The following CTSL variants were observed in gnomAD, a reference collection of about 807,000 sequenced individuals.
The protein encoded by CTSL is procathepsin L.
A neutral mutation model predicts 34.7 loss-of-function variants in CTSL; 23 were observed. The observed-to-expected ratio is 0.66, with a 90% CI of 0.48 to 0.94. CTSL has a LOEUF of 0.94. Ranked by LOEUF, CTSL falls within the 40% of genes least tolerant of loss-of-function variation. The pLI is 0.00. For missense variants in CTSL, 361 were observed against 406.3 expected (o/e 0.89, Z 0.96); for synonymous variants, 129 against 136.7 (o/e 0.94, Z 0.39).
intron 2 of CTSL, 136 bp from the exon 3 acceptor site, chr9:87,727,891 G>A (rs1826088567): frequency 2.8e-6 from 4 of 1,429,082 alleles, no homozygotes; most frequent in Non-Finnish European, 3.9e-6. Flanking sequence ...TCTCAGTTTG[G>A]AGAACAGCAT....
Position 87,727,663 on chromosome 9 carries a change from A to T in CTSL, c.60A>T (p.Thr20=). The T allele has an allele frequency of 6.2e-7, 1 of 1,614,050 alleles. No homozygotes were observed. The highest frequency in any genetic ancestry group is 8.5e-7 in the Non-Finnish European group (1 of 1,179,990). Residue 20 remains threonine, a synonymous_variant, in exon 2 of 8, where the codon ACA becomes ACT. Transcript: ENST00000343150. The stretch of plus-strand genomic sequence containing the variant: ...TGGGAATTGCCTCAGCTACTCTAAC[A>T]TTTGATCACAGTTTAGAGGCACAGT... The part of the protein sequence containing the change: ...FCLGIASATL[T]FDHSLEAQWT...
rs756645370 is a variant in CTSL, at chr9:87,727,880, G to C, written c.127-147G>C. ...CAATGTGGACATTCATCCTTGTTGTGTCTCAGTTTGGAGAACAGCATCCCC... is the reference window on the plus strand; with the variant it reads ...CAATGTGGACATTCATCCTTGTTGTCTCTCAGTTTGGAGAACAGCATCCCC... On this transcript the variant is annotated intron_variant, in intron 2 of 7. Coordinates refer to ENST00000343150, the MANE Select transcript of CTSL (RefSeq NM_001912.5). The C allele has an allele frequency of 4.6e-5, 64 of 1,405,236 alleles. No individual in the cohort carries two copies. In the Middle Eastern group the frequency reaches 5.4e-4, roughly 12 times the overall value. 87.0% of individuals were successfully genotyped at this position (1,405,236 alleles called of 1,614,324 possible). A position where few individuals can be genotyped will look rare whatever the true frequency, so the allele number is the denominator to read the frequency against.
intron 1 of CTSL, among the ~76,000 whole-genome samples, chr9:87,727,074 A>AAATAAATC (rs1826038041): frequency 6.6e-6 from 1 of 150,480 alleles, no homozygotes; most frequent in African/African-American, 2.4e-5. Context: ...ATAAATAAAT[A>AAATAAATC]AATAAATAGG....
In CTSL at chr9:87,728,466, T is replaced by C. The variant is rs560421548; in HGVS notation, c.396+70T>C. 1.5e-5 allele frequency: 23 copies of C among 1,580,522 alleles called. No homozygotes were observed. The African/African-American group carries it at 1.5e-4, about 10-fold the overall frequency. On this transcript the variant is annotated intron_variant, in intron 4 of 7. Coordinates refer to ENST00000343150, the MANE Select transcript of CTSL (RefSeq NM_001912.5). ...CAAGAAGTGATTGACATCTTTGTTT[T>C]GGTAGACTTTAAAGTGATGTACAGT...
Position 87,727,621 on chromosome 9 carries a change from C to G in CTSL, c.18C>G (p.Ile6Met), listed in dbSNP as rs746817139. The change falls in exon 2 of 8, where the codon ATC becomes ATG. Residue 6 changes from isoleucine (I) to methionine (M), a missense_variant. By Grantham distance (10) the Ile-to-Met change is conservative. Transcript: ENST00000343150. The part of the protein sequence containing the change: MNPTL[I>M]LAAFCLGIAS... The stretch of plus-strand genomic sequence containing the variant: ...TTTAAAACATGAATCCTACACTCAT[C>G]CTTGCTGCCTTTTGCCTGGGAATTG... 15 of 1,614,108 alleles carry G rather than the reference C, an allele frequency of 9.3e-6. No homozygotes were observed. The highest frequency in any genetic ancestry group is 1.3e-5 in the Non-Finnish European group (15 of 1,180,012).
At position 87,727,669 on chromosome 9, in the gene CTSL, TCA is replaced by T. The variant is rs1252904987; in HGVS notation, c.69_70del (p.His23GlnfsTer21). On this transcript the variant is annotated frameshift_variant, in exon 2 of 8. Transcript: ENST00000343150. LOFTEE classifies it high-confidence loss of function. ...TTGCCTCAGCTACTCTAACATTTGATCACAGTTTAGAGGCACAGTGGACCAAG... is the reference window on the plus strand; with the variant it reads ...TTGCCTCAGCTACTCTAACATTTGATCAGTTTAGAGGCACAGTGGACCAAG... ...GIASATLTFD[H>X]SLEAQWTKWK... 1 of 1,614,112 alleles carries T rather than the reference TCA, an allele frequency of 6.2e-7. No homozygotes were observed. Among genetic ancestry groups the T allele is most frequent in the East Asian group, 2.2e-5 (1 of 44,876 alleles).
rs546955996 is a variant in CTSL, at chr9:87,729,595, C to G, written c.644C>G (p.Pro215Arg). Residue 215 changes from proline (P) to arginine (R), a missense_variant, in exon 6 of 8, where the codon CCC (proline) becomes CGC (arginine). By Grantham distance (103) the Pro-to-Arg change is moderately radical. Coordinates refer to ENST00000343150, the MANE Select transcript of CTSL (RefSeq NM_001912.5). ...EATEESCKYN[P>R]KYSVANDTGF... ...AAGGAAGAATCCTGTAAGTACAATC[C>G]CAAGTATTCTGTTGCTAATGACACC... 2.6e-5 allele frequency: 42 copies of G among 1,613,814 alleles called. No homozygotes were observed. In the South Asian group the frequency reaches 4.5e-4, roughly 17 times the overall value.
rs753896863 is a variant in CTSL, at chr9:87,727,691, A to T, written c.88A>T (p.Thr30Ser). The change falls in exon 2 of 8, where the codon ACC becomes TCC. Residue 30 changes from threonine (T) to serine (S), a missense_variant. Transcript: ENST00000343150. ...TGATCACAGTTTAGAGGCACAGTGG[A>T]CCAAGTGGAAGGCGATGCACAACAG... The part of the protein sequence containing the change: ...TFDHSLEAQW[T>S]KWKAMHNRLY... The T allele has an allele frequency of 1.2e-6, 2 of 1,614,140 alleles. No homozygotes were observed. Among genetic ancestry groups the T allele is most frequent in the South Asian group, 2.2e-5 (2 of 91,086 alleles).
chr9:87,728,887 C>T (rs755062848), intron 5 of CTSL, 78 bp downstream of exon 5: 7 of 1,596,782 alleles, frequency 4.4e-6, no homozygotes, highest in Non-Finnish European at 6.0e-6. Context: ...ATACCTTTTT[C>T]GGAATTCATA....
Position 87,728,782 on chromosome 9 carries a change from T to C in CTSL, c.594T>C (p.Ser198=), listed in dbSNP as rs1244920777. 1 of 1,614,128 alleles carries C rather than the reference T, an allele frequency of 6.2e-7. No homozygotes were observed. Among genetic ancestry groups the C allele is most frequent in the African/African-American group, 1.3e-5 (1 of 74,942 alleles). Residue 198 remains serine, a synonymous_variant, in exon 5 of 8, where the codon TCT becomes TCC. Coordinates refer to ENST00000343150, the MANE Select transcript of CTSL (RefSeq NM_001912.5). Reference sequence around the variant, plus strand: ...TTCAGGATAATGGAGGCCTGGACTCTGAGGAATCCTATCCATATGAGGCAA... The same window carrying C: ...TTCAGGATAATGGAGGCCTGGACTCCGAGGAATCCTATCCATATGAGGCAA... The part of the protein sequence containing the change: ...QYVQDNGGLD[S]EESYPYEATE...
chr9:87,727,792 C>G, intron 2 of CTSL, 63 bp downstream of exon 2: 1 of 1,589,974 alleles, frequency 6.3e-7, no homozygotes, highest in South Asian at 1.1e-5. Flanking sequence ...CAGAGAGTAG[C>G]TTCTAGAGGC....
chr9:87,727,041 AAAAT>A (rs71507737), intron 1 of CTSL, among the ~76,000 whole-genome samples: 6,032 of 144,842 alleles, frequency 0.042, 211 homozygotes, highest in African/African-American at 0.09. Flanking sequence ...TCCATCTCAA[AAAAT>A]AAATAAATAA....
At chr9:87,729,287 T>C (rs777560979) in intron 5 of CTSL, among the ~76,000 whole-genome samples, 9 of 152,264 alleles carry the variant, frequency 5.9e-5, no homozygotes, top group Non-Finnish European at 1.2e-4. Context: ...ATATAGCTGT[T>C]CTTGCTTCTA....
chr9:87,730,694 T>C (rs1826224340), intron 7 of CTSL, among the ~76,000 whole-genome samples, 196 bp downstream of exon 7: 1 of 152,256 alleles, frequency 6.6e-6, no homozygotes, highest in African/African-American at 2.4e-5. Context: ...GAATATAGTA[T>C]TTGTTCCATT....
At chr9:87,726,463 C>T (rs1183444776) in intron 1 of CTSL, 65 bp downstream of exon 1, 1 of 152,382 alleles carries the variant, frequency 6.6e-6, no homozygotes, top group Non-Finnish European at 1.5e-5. Flanking sequence ...GAAGCTCAGT[C>T]CCCGCACGCC....
Position 87,731,148 on chromosome 9 carries a change from C to T in CTSL, c.*41C>T, listed in dbSNP as rs377286627. On this transcript the variant is annotated 3_prime_UTR_variant, in exon 8 of 8. Coordinates refer to ENST00000343150, the MANE Select transcript of CTSL (RefSeq NM_001912.5). ...TGAGGAAGGACTTGACTGGGGATGG[C>T]GCATGCATGGGAGGAATTCATCTTC... 2.4e-5 allele frequency: 35 copies of T among 1,485,306 alleles called. No individual in the cohort carries two copies. Among genetic ancestry groups the T allele is most frequent in the South Asian group, 3.4e-5 (3 of 87,304 alleles). The allele number at this position is 1,485,306 out of a possible 1,614,324, so 92.0% of individuals were successfully genotyped here.
In CTSL at chr9:87,728,590, G is replaced by A. The variant is rs11541204; in HGVS notation, c.402G>A (p.Gln134=). Residue 134 remains glutamine, a synonymous_variant, in exon 5 of 8, where the codon CAG becomes CAA. Coordinates refer to ENST00000343150, the MANE Select transcript of CTSL (RefSeq NM_001912.5). ...GYVTPVKNQG[Q]CGSCWAFSAT... is the part of the protein sequence containing the mutation. ...TTTTTTAATTCCCTTTTCAGGGTCA[G>A]TGTGGTTCTTGTTGGGCTTTTAGTG... is the stretch of plus-strand genomic sequence containing the variant. The A allele has an allele frequency of 0.046, 75,003 of 1,613,624 alleles. 1,983 individuals carry two copies. The highest frequency in any genetic ancestry group is 0.053 in the Non-Finnish European group (62,585 of 1,179,758).
At chr9:87,727,471 A>C in intron 1 of CTSL, 123 bp from the exon 2 acceptor site, 1 of 1,042,470 alleles carries the variant, frequency 9.6e-7, no homozygotes, top group East Asian at 2.6e-5. Flanking sequence ...GTCCTTGGGT[A>C]AATGCTTGGG....
chr9:87,731,297 G>T lies in CTSL; in HGVS notation c.*190G>T, dbSNP rs1826253199. ...TCTATTTTAATTACTGCTATAAATA[G>T]GTTTATATTATTGATTCACTTACTG... On this transcript the variant is annotated 3_prime_UTR_variant, in exon 8 of 8. Transcript: ENST00000343150. 2.4e-6 allele frequency: 1 copy of T among 420,256 alleles called. No individual in the cohort carries two copies. The allele number at this position is 420,256 out of a possible 1,614,324, so 26.0% of individuals were successfully genotyped here.
Sources: gnomAD v4.1 joint callset for allele counts (sites outside exome capture counted in the v4.1 genomes callset) on GRCh38, gnomAD v4.1.1 for gene constraint, MANE v1.5 for transcripts, NCBI Gene and HGNC (gene_info 2026-07-23, HGNC 2026-07-21) for gene names.